Variants in PDE4DIP observed in about 807,000 individuals in gnomAD.
PDE4DIP encodes myomegalin.
A neutral mutation model predicts 221.4 loss-of-function variants in PDE4DIP; 59 were observed. The ratio of observed to expected loss-of-function variants is 0.27; its 90% CI spans 0.22 to 0.33. The LOEUF (loss-of-function observed/expected upper bound fraction) is 0.33. Ranked by LOEUF, PDE4DIP falls within the 10% of genes least tolerant of loss-of-function variation. The pLI is 1.00. For missense variants in PDE4DIP, 1,036 were observed against 2,154.2 expected, an observed-to-expected ratio of 0.48 and a Z score of 10.28; for synonymous variants, 404 against 815.9, an observed-to-expected ratio of 0.50 and a Z score of 8.60.
intron 5 of PDE4DIP, among the ~76,000 whole-genome samples, chr1:148,943,207 A>AT (rs1191074726): frequency 3.8e-5 from 1 of 26,270 alleles, no homozygotes. Flanking sequence ...TTCATATGAG[A>AT]TTTTTTTTTA....
intron 37 of PDE4DIP, chr1:149,021,395 C>T (rs1409846491): frequency 2.2e-5 from 10 of 459,978 alleles, no homozygotes; most frequent in Admixed American, 3.4e-5. Flanking sequence ...CTAGACATTC[C>T]TATCAATGTC....
At chr1:149,018,612 C>T in exon 35 of PDE4DIP, 3 of 1,613,034 alleles carry the variant, frequency 1.9e-6, no homozygotes, top group Non-Finnish European at 2.5e-6. Context: ...ACAGAGTCCT[C>T]AGGGAAGACA....
exon 12 of PDE4DIP, chr1:148,966,944 G>A (rs138171812): frequency 1.2e-5 from 19 of 1,612,366 alleles, no homozygotes; most frequent in Admixed American, 5.0e-5. Context: ...GAGACTGCGC[G>A]ATGTCCTCTC....
chr1:148,844,163 C>T (rs1187477988), intron 1 of PDE4DIP, among the ~76,000 whole-genome samples: 2 of 51,984 alleles, frequency 3.8e-5, no homozygotes, highest in Non-Finnish European at 9.4e-5. Context: ...ACCTCCTCTA[C>T]AAATTCTTCC....
intron 1 of PDE4DIP, among the ~76,000 whole-genome samples, chr1:148,918,731 G>A (rs1292307919): frequency 6.5e-5 from 9 of 138,888 alleles, no homozygotes; most frequent in African/African-American, 2.6e-4. Flanking sequence ...TCAGACATGG[G>A]TGTCTGTGTT....
At chr1:148,978,120 A>G in intron 18 of PDE4DIP, 67 bp downstream of exon 21, 2 of 1,458,694 alleles carry the variant, frequency 1.4e-6, no homozygotes, top group Non-Finnish European at 1.9e-6. Flanking sequence ...GGGCCTCTTC[A>G]GACAATATTT....
chr1:148,952,197 C>T, intron 5 of PDE4DIP: 2 of 1,038,720 alleles, frequency 1.9e-6, no homozygotes, highest in Non-Finnish European at 2.3e-6. Flanking sequence ...TGGCCCGCGC[C>T]AGTAGTGCTT....
At position 149,003,039 on chromosome 1, in the gene PDE4DIP, CT is replaced by C; in HGVS notation, c.3765del (p.Thr1256GlnfsTer6). 1.1e-6 allele frequency: 1 copy of C among 948,712 alleles called. No homozygotes were observed. The highest frequency in any genetic ancestry group is 1.6e-6 in the Non-Finnish European group (1 of 607,880). 58.8% of individuals were successfully genotyped at this position (948,712 alleles called of 1,614,324 possible). On this transcript the variant is annotated frameshift_variant and splice_region_variant, in exon 25 of 44. Transcript: ENST00000369354. LOFTEE classifies it high-confidence loss of function. ...CGAGCTGGAGAAATACAGAGTTATG[CT>C]TAGTAAGTAACTATGACTTACTAGT...
At position 148,992,229 on chromosome 1, in the gene PDE4DIP, C is replaced by G. The variant is rs368840937; in HGVS notation, c.2904+256C>G. ...TCTGCTTCCTTCCCCCTCCTACCCA[C>G]CTTTGCCCCTATTTATTCTCTGTAG... On this transcript the variant is annotated intron_variant, in intron 22 of 43. Transcript: ENST00000369354. 1.2e-4 allele frequency: 127 copies of G among 1,051,502 alleles called. No individual in the cohort carries two copies. In the African/African-American group the frequency reaches 1.7e-3, roughly 14 times the overall value. The allele number at this position is 1,051,502 out of a possible 1,614,324, so 65.1% of individuals were successfully genotyped here. A position where few individuals can be genotyped will look rare whatever the true frequency, so the allele number is the denominator to read the frequency against.
chr1:148,944,146 C>G (rs1484169217), intron 5 of PDE4DIP, among the ~76,000 whole-genome samples: 4 of 152,090 alleles, frequency 2.6e-5, no homozygotes, highest in African/African-American at 9.7e-5. Flanking sequence ...AAATGACATA[C>G]AAGTTACTAT....
At chr1:148,925,639 TCTGA>T (rs2046535035) in intron 1 of PDE4DIP, among the ~76,000 whole-genome samples, 2 of 152,038 alleles carry the variant, frequency 1.3e-5, no homozygotes, top group South Asian at 4.2e-4. Context: ...GGCTGGGGTC[TCTGA>T]CTGGCACTAG....
intron 1 of PDE4DIP, among the ~76,000 whole-genome samples, chr1:148,855,909 CT>C (rs1379318438): frequency 6.9e-6 from 1 of 144,712 alleles, no homozygotes; most frequent in Non-Finnish European, 1.6e-5. Flanking sequence ...TCACTAATGC[CT>C]TTTCCACTTT....
At chr1:148,977,862 G>A in intron 17 of PDE4DIP, 75 bp from the exon 21 acceptor site, 1 of 1,580,546 alleles carries the variant, frequency 6.3e-7, no homozygotes, top group South Asian at 1.2e-5. Flanking sequence ...CTGGCTGATA[G>A]TAATAGGATA....
At chr1:148,951,949 G>C in intron 5 of PDE4DIP, 3 of 859,198 alleles carry the variant, frequency 3.5e-6, no homozygotes, top group Non-Finnish European at 4.2e-6. Context: ...AACCCAGGCG[G>C]GGCGGGGCCG....
intron 20 of PDE4DIP, among the ~76,000 whole-genome samples, chr1:148,980,834 G>A (rs782202892): frequency 3.3e-5 from 5 of 152,130 alleles, no homozygotes; most frequent in African/African-American, 7.2e-5. Context: ...CCATCCCACC[G>A]TCAAGTTTGG....
At chr1:148,976,504 G>C (rs1357023870) in intron 17 of PDE4DIP, among the ~76,000 whole-genome samples, 2 of 152,068 alleles carry the variant, frequency 1.3e-5, no homozygotes, top group Admixed American at 6.5e-5. Flanking sequence ...TCATAGGATT[G>C]TTGTGAGGAT....
intron 35 of PDE4DIP, 31 bp from the exon 39 acceptor site, chr1:149,020,116 T>A (rs782260790): frequency 9.3e-6 from 4 of 429,052 alleles, no homozygotes; most frequent in South Asian, 7.0e-5. Flanking sequence ...GGCCCCATGA[T>A]AATAAATCAA....
At chr1:148,850,824 TACA>T (rs1678797089) in intron 1 of PDE4DIP, among the ~76,000 whole-genome samples, 1 of 107,692 alleles carries the variant, frequency 9.3e-6, no homozygotes, top group Admixed American at 9.6e-5. Flanking sequence ...TTTTCTGGAG[TACA>T]GCCTTCAAGC....
intron 14 of PDE4DIP, among the ~76,000 whole-genome samples, chr1:148,971,696 T>G (rs1216834351): frequency 1.3e-5 from 2 of 151,974 alleles, no homozygotes; most frequent in Non-Finnish European, 2.9e-5. Context: ...ATCTTATACT[T>G]TGGCCAGCAA....
Sources: allele counts gnomAD v4.1 joint callset (sites outside exome capture counted in the v4.1 genomes callset), GRCh38; gene constraint gnomAD v4.1.1; transcripts MANE v1.5; gene names NCBI Gene and HGNC (gene_info 2026-07-23, HGNC 2026-07-21).